Variants in IL2RA observed in about 807,000 individuals in gnomAD.
IL2RA encodes interleukin-2 receptor subunit alpha.
Under a neutral mutation model 37.8 loss-of-function variants are expected in IL2RA, and 24 were observed. The ratio of observed to expected loss-of-function variants is 0.63; its 90% CI spans 0.46 to 0.89. The LOEUF is 0.89. IL2RA is among the 40% of genes least tolerant of loss of function. The probability of loss-of-function intolerance (pLI) is 0.00; values close to 1 mark genes in which losing one functional copy is unlikely to be tolerated. For synonymous variants in IL2RA, 125 were observed against 114.6 expected, an observed-to-expected ratio of 1.09 and a Z score of -0.58; for missense variants, 319 against 348.6, an observed-to-expected ratio of 0.92 and a Z score of 0.68.
At chr10:6,034,185 G>A (rs1472507346) in intron 1 of IL2RA, among the ~76,000 whole-genome samples, 1 of 152,184 alleles carries the variant, frequency 6.6e-6, no homozygotes, top group Non-Finnish European at 1.5e-5. Flanking sequence ...GAGGTCATGC[G>A]GGGACAAGGG....
Position 6,044,942 on chromosome 10 carries a change from G to C in IL2RA, c.64+17146C>G, listed in dbSNP as rs2132886053. On this transcript the variant is annotated intron_variant, in intron 1 of 7. Coordinates refer to ENST00000379959, the MANE Select transcript of IL2RA (RefSeq NM_000417.3). The surrounding 1 kb of genome is among the most constrained non-coding windows in gnomAD (Gnocchi z 4.5). ...ATTCAAGCAAACATTCACCTTCCTT[G>C]TTTCATTCAGCAAGCACAAATGTTG... Among the ~76,000 whole-genome samples the C allele has an allele frequency of 2.0e-5, 3 of 152,262 alleles. No individual in the cohort carries two copies. The highest frequency in any genetic ancestry group is 6.5e-5 in the Admixed American group (1 of 15,290).
Position 6,027,446 on chromosome 10 carries a change from C to G in IL2RA, c.65-1421G>C, listed in dbSNP as rs552485532. On this transcript the variant is annotated intron_variant, in intron 1 of 7. Coordinates refer to ENST00000379959, the MANE Select transcript of IL2RA (RefSeq NM_000417.3). ...CCAGAAATTACAGTGGAACAGGCAA[C>G]ATAAGTGCTCAATAAATGCTGGTAA... 4.6e-5 allele frequency among the ~76,000 whole-genome samples: 7 copies of G among 152,170 alleles called. No individual in the cohort carries two copies. In the East Asian group the frequency reaches 1.2e-3, roughly 25 times the overall value.
Position 6,010,721 on chromosome 10 carries a change from C to T in IL2RA, c.*2151G>A, listed in dbSNP as rs979094426. The stretch of plus-strand genomic sequence containing the variant: ...AAAATATCATTTATTCTTTTATAAA[C>T]AATAGCAATAAATTTATTATATGTT... On this transcript the variant is annotated 3_prime_UTR_variant, in exon 8 of 8. Transcript: ENST00000379959. 12 of 151,630 alleles carry T rather than the reference C, an allele frequency of 7.9e-5. No individual in the cohort carries two copies. The highest frequency in any genetic ancestry group is 2.7e-4 in the African/African-American group (11 of 41,262). The allele number at this position is 151,630 out of a possible 1,614,324, so 9.4% of individuals were successfully genotyped here. A position where few individuals can be genotyped will look rare whatever the true frequency, so the allele number is the denominator to read the frequency against.
chr10:6,057,924 G>A lies in IL2RA; in HGVS notation c.64+4164C>T, dbSNP rs1924137. ...GCAGATCACCTGAGGTCAGGAGTTC[G>A]AGACCAGCCTGGCCAACTTGGTGAA... On this transcript the variant is annotated intron_variant, in intron 1 of 7. Transcript: ENST00000379959. This position sits in a 1 kb window ranked among gnomAD's most constrained non-coding sequence, Gnocchi z 4.8. Among the ~76,000 whole-genome samples, 6,769 of 152,192 alleles carry A rather than the reference G, an allele frequency of 0.044. 297 individuals are homozygous for A. Among genetic ancestry groups the A allele is most frequent in the Admixed American group, 0.14 (2,162 of 15,270 alleles).
chr10:6,023,428 T>G (rs1232323910), intron 3 of IL2RA, among the ~76,000 whole-genome samples: 1 of 152,160 alleles, frequency 6.6e-6, no homozygotes, highest in East Asian at 1.9e-4. Flanking sequence ...CTCCACCTCC[T>G]GATTTCAAGC....
chr10:6,046,825 G>A lies in IL2RA; in HGVS notation c.64+15263C>T, dbSNP rs980697733. Among the ~76,000 whole-genome samples the A allele has an allele frequency of 3.3e-5, 5 of 152,214 alleles. No homozygotes were observed. The highest frequency in any genetic ancestry group is 1.2e-4 in the African/African-American group (5 of 41,450). On this transcript the variant is annotated intron_variant, in intron 1 of 7. Coordinates refer to ENST00000379959, the MANE Select transcript of IL2RA (RefSeq NM_000417.3). The surrounding 1 kb of genome is among the most constrained non-coding windows in gnomAD (Gnocchi z 4.8). ...TTCAACAGATACCTCAGGGTTAGTG[G>A]GGGTGAGCTCAGATGCTCCTGCAAT...
At chr10:6,049,548 C>A (rs902633099) in intron 1 of IL2RA, among the ~76,000 whole-genome samples, 1 of 152,198 alleles carries the variant, frequency 6.6e-6, no homozygotes, top group Non-Finnish European at 1.5e-5. Flanking sequence ...TGCATTTCTA[C>A]CTTCTTAACT....
At chr10:6,031,442 GTATATATATA>G (rs1242025908) in intron 1 of IL2RA, among the ~76,000 whole-genome samples, 2 of 54,044 alleles carry the variant, frequency 3.7e-5, no homozygotes, top group Admixed American at 2.1e-4. Context: ...AGCAATTTCA[GTATATATATA>G]TACATATATA....
At chr10:6,041,345 G>T (rs1361490021) in intron 1 of IL2RA, among the ~76,000 whole-genome samples, 1 of 152,042 alleles carries the variant, frequency 6.6e-6, no homozygotes, top group African/African-American at 2.4e-5. Flanking sequence ...TCAATCTCCT[G>T]ACCTCGTGAT....
Position 6,025,734 on chromosome 10 carries a change from G to A in IL2RA, c.256+100C>T. On this transcript the variant is annotated intron_variant, in intron 2 of 7. Transcript: ENST00000379959. This position sits in a 1 kb window ranked among gnomAD's most constrained non-coding sequence, Gnocchi z 4.4. ...ATTAGTTATCCTGTAGACTGGACTG[G>A]CCCATTTGTGTCTATAGGGCTGAGT... The A allele has an allele frequency of 9.2e-7, 1 of 1,088,084 alleles. No individual in the cohort carries two copies. Among genetic ancestry groups the A allele is most frequent in the Non-Finnish European group, 1.4e-6 (1 of 707,790 alleles). The allele number at this position is 1,088,084 out of a possible 1,614,324, so 67.4% of individuals were successfully genotyped here.
In IL2RA at chr10:6,057,372, G is replaced by C. The variant is rs2132905247; in HGVS notation, c.64+4716C>G. Among the ~76,000 whole-genome samples the C allele has an allele frequency of 6.6e-6, 1 of 152,302 alleles. No homozygotes were observed. Among genetic ancestry groups the C allele is most frequent in the South Asian group, 2.1e-4 (1 of 4,828 alleles). ...GGCTTGGGTGCATTGATACACAAAA[G>C]TCGCTCAACCCTGACCGTGCCAGTA... is the stretch of plus-strand genomic sequence containing the variant. On this transcript the variant is annotated intron_variant, in intron 1 of 7. Coordinates refer to ENST00000379959, the MANE Select transcript of IL2RA (RefSeq NM_000417.3). This position sits in a 1 kb window ranked among gnomAD's most constrained non-coding sequence, Gnocchi z 4.8.
At chr10:6,032,566 G>A (rs191818413) in intron 1 of IL2RA, among the ~76,000 whole-genome samples, 22 of 152,132 alleles carry the variant, frequency 1.4e-4, no homozygotes, top group East Asian at 7.7e-4. Context: ...GGTGGTGTGC[G>A]CCTGTAGTCC....
rs902727488 is a variant in IL2RA at position 6,054,802 on chromosome 10, T to C, written c.64+7286A>G. Among the ~76,000 whole-genome samples the C allele has an allele frequency of 6.6e-6, 1 of 152,194 alleles. No individual in the cohort carries two copies. Among genetic ancestry groups the C allele is most frequent in the African/African-American group, 2.4e-5 (1 of 41,446 alleles). ...CATGTTACTCTCCCTATTCTGATCA[T>C]TTATGGCATTATTTGCAATGTTTGA... On this transcript the variant is annotated intron_variant, in intron 1 of 7. Transcript: ENST00000379959. The surrounding 1 kb of genome is among the most constrained non-coding windows in gnomAD (Gnocchi z 4.5).
In IL2RA at chr10:6,043,736, CAA is replaced by C. The variant is rs759767299; in HGVS notation, c.65-17713_65-17712del. ...TACAGGCATCAGCCATCACGCACGA[CAA>C]GAGCATGTATTTAAAATAAACAAAA... On this transcript the variant is annotated intron_variant, in intron 1 of 7. Transcript: ENST00000379959. 2.6e-4 allele frequency among the ~76,000 whole-genome samples: 40 copies of C among 152,206 alleles called. 1 individual carries two copies. In the South Asian group the frequency reaches 3.3e-3, roughly 13 times the overall value.
Position 6,021,744 on chromosome 10 carries a change from G to GT in IL2RA, c.368-52dup. The GT allele has an allele frequency of 6.7e-7, 1 of 1,483,920 alleles. No individual in the cohort carries two copies. Among genetic ancestry groups the GT allele is most frequent in the South Asian group, 1.1e-5 (1 of 87,822 alleles). 91.9% of individuals were successfully genotyped at this position (1,483,920 alleles called of 1,614,324 possible). ...AGGCAAGTTGGGGACAGCACCGCGA[G>GT]TGAGTCCAGGTTGCCTCTTGCTAGG... On this transcript the variant is annotated intron_variant, in intron 3 of 7. Coordinates refer to ENST00000379959, the MANE Select transcript of IL2RA (RefSeq NM_000417.3). The surrounding 1 kb of genome is among the most constrained non-coding windows in gnomAD (Gnocchi z 4.9).
In IL2RA at chr10:6,015,906, C is replaced by T. The variant is rs760565045; in HGVS notation, c.794+2147G>A. ...TCCAGAATAGGCAAATCCATAGAGA[C>T]GGAACATAGAGTGGTGGTTTCCCGG... On this transcript the variant is annotated intron_variant, in intron 7 of 7. Transcript: ENST00000379959. The surrounding 1 kb of genome is among the most constrained non-coding windows in gnomAD (Gnocchi z 4.9). Among the ~76,000 whole-genome samples the T allele has an allele frequency of 3.9e-5, 6 of 152,058 alleles. No individual in the cohort carries two copies. The highest frequency in any genetic ancestry group is 4.1e-4 in the South Asian group (2 of 4,824).
Position 6,015,929 on chromosome 10 carries a change from C to T in IL2RA, c.794+2124G>A, listed in dbSNP as rs1224594365. Among the ~76,000 whole-genome samples, 1 of 152,002 alleles carries T rather than the reference C, an allele frequency of 6.6e-6. No individual in the cohort carries two copies. The highest frequency in any genetic ancestry group is 1.5e-5 in the Non-Finnish European group (1 of 68,000). On this transcript the variant is annotated intron_variant, in intron 7 of 7. Transcript: ENST00000379959. The surrounding 1 kb of genome is among the most constrained non-coding windows in gnomAD (Gnocchi z 4.9). ...GACGGAACATAGAGTGGTGGTTTCC[C>T]GGGGCTGGGGAGAATGGGGAACTTG...
Position 6,012,663 on chromosome 10 carries a change from G to A in IL2RA, c.*209C>T, listed in dbSNP as rs535911457. On this transcript the variant is annotated 3_prime_UTR_variant, in exon 8 of 8. Coordinates refer to ENST00000379959, the MANE Select transcript of IL2RA (RefSeq NM_000417.3). The surrounding 1 kb of genome is among the most constrained non-coding windows in gnomAD (Gnocchi z 4.8). ...AAATTGCTATTTAGAAGTGGGTAGCGCTCGCTCTCTGATGGGACTGAGCTG... is the reference window on the plus strand; with the variant it reads ...AAATTGCTATTTAGAAGTGGGTAGCACTCGCTCTCTGATGGGACTGAGCTG... 2.7e-5 allele frequency: 17 copies of A among 625,242 alleles called. No individual in the cohort carries two copies. The highest frequency in any genetic ancestry group is 9.2e-5 in the African/African-American group (5 of 54,436). 38.7% of individuals were successfully genotyped at this position (625,242 alleles called of 1,614,324 possible).
Position 6,020,689 on chromosome 10 carries a change from C to T in IL2RA, c.584-748G>A, listed in dbSNP as rs41294683. Among the ~76,000 whole-genome samples, 15 of 152,030 alleles carry T rather than the reference C, an allele frequency of 9.9e-5. No individual in the cohort carries two copies. The highest frequency in any genetic ancestry group is 3.1e-4 in the African/African-American group (13 of 41,384). ...CTGGGATTACAGGCACCCACCACCA[C>T]GCCCAGATAATTTTTGTATTTTTAG... On this transcript the variant is annotated intron_variant, in intron 4 of 7. Transcript: ENST00000379959. The surrounding 1 kb of genome is among the most constrained non-coding windows in gnomAD (Gnocchi z 5.6).
Sources: gnomAD v4.1 joint callset for allele counts (sites outside exome capture counted in the v4.1 genomes callset) on GRCh38, gnomAD v4.1.1 for gene constraint, Gnocchi (gnomAD v3.1) non-coding constraint, MANE v1.5 for transcripts, NCBI Gene and HGNC (gene_info 2026-07-23, HGNC 2026-07-21) for gene names.